Variants in TANC2 observed in about 807,000 individuals in gnomAD.
TANC2 encodes the protein protein TANC2.
In TANC2, 26 loss-of-function variants were observed where a neutral mutation model predicts 210.5. The ratio of observed to expected loss-of-function variants is 0.12; its 90% confidence interval spans 0.09 to 0.17. The LOEUF (loss-of-function observed/expected upper bound fraction) is 0.17. Ranked by LOEUF, TANC2 falls within the 10% of genes least tolerant of loss-of-function variation. The pLI, the probability that TANC2 is intolerant of heterozygous loss-of-function variation, is 1.00. For missense variants in TANC2, 2,129 were observed against 2,608.9 expected (o/e 0.82, Z 4.01); for synonymous variants, 931 against 967.1 (o/e 0.96, Z 0.69).
chr17:63,155,215 A>G (rs982089647), intron 5 of TANC2: 2 of 152,062 alleles, frequency 1.3e-5, no homozygotes, highest in East Asian at 3.8e-4. Context: ...TTTAAAAAAA[A>G]CAAAAACAAA....
At chr17:63,078,687 T>C (rs1452566704) in intron 3 of TANC2, among the ~76,000 whole-genome samples, 1 of 152,212 alleles carries the variant, frequency 6.6e-6, no homozygotes, top group African/African-American at 2.4e-5. Context: ...TCCAAACATT[T>C]GGAAGTTTTT....
chr17:63,362,175 A>C (rs922319149), intron 14 of TANC2, among the ~76,000 whole-genome samples: 33 of 152,238 alleles, frequency 2.2e-4, no homozygotes, highest in African/African-American at 7.9e-4. Flanking sequence ...TGTCCCATCG[A>C]GTGTTCAGCT....
chr17:63,228,516 T>G (rs1400955375), intron 7 of TANC2, among the ~76,000 whole-genome samples: 1 of 152,218 alleles, frequency 6.6e-6, no homozygotes, highest in East Asian at 1.9e-4. Flanking sequence ...TAAATTACTT[T>G]GGGCAGTATG....
intron 4 of TANC2, among the ~76,000 whole-genome samples, chr17:63,101,819 G>C (rs2037633687): frequency 6.6e-6 from 1 of 152,198 alleles, no homozygotes; most frequent in African/African-American, 2.4e-5. Context: ...GTCAAAGGAG[G>C]AGATAATTGA....
chr17:63,358,241 G>T (rs2146927338), intron 14 of TANC2, among the ~76,000 whole-genome samples: 1 of 152,270 alleles, frequency 6.6e-6, no homozygotes, highest in East Asian at 1.9e-4. Context: ...ACTGCTTATT[G>T]TCTCAGAATC....
intron 1 of TANC2, among the ~76,000 whole-genome samples, chr17:62,990,658 A>C (rs2032814739): frequency 6.6e-6 from 1 of 152,192 alleles, no homozygotes; most frequent in South Asian, 2.1e-4. Flanking sequence ...GAGTTTCAAA[A>C]TATAGAAGTC....
intron 4 of TANC2, among the ~76,000 whole-genome samples, chr17:63,113,569 A>T (rs921705078): frequency 1.4e-4 from 21 of 152,206 alleles, no homozygotes; most frequent in African/African-American, 5.1e-4. Flanking sequence ...GTGTGGTGGC[A>T]CAATCACTGC....
At position 63,420,992 on chromosome 17, in the gene TANC2, T is replaced by C; in HGVS notation, c.5262T>C (p.Asp1754=). The change falls in exon 28 of 28, where the codon GAT becomes GAC. Residue 1754 remains aspartate (D), a synonymous_variant. Transcript: ENST00000689528. This position sits in a 1 kb window ranked among gnomAD's most constrained non-coding sequence, Gnocchi z 4.2. ...GGTCAATTGGGGGAATCGTAGGGGA[T>C]GGAAGGCCGGTGCAGCATGTCCAAG... The C allele has an allele frequency of 6.2e-7, 1 of 1,613,978 alleles. No homozygotes were observed.
chr17:63,333,524 A>AG (rs1329300700), intron 11 of TANC2, among the ~76,000 whole-genome samples: 1 of 152,218 alleles, frequency 6.6e-6, no homozygotes, highest in Non-Finnish European at 1.5e-5. Context: ...ATGGTTTCTT[A>AG]AGATGGAATC....
chr17:63,044,249 A>G lies in TANC2; in HGVS notation c.68-29694A>G, dbSNP rs1054477071. On this transcript the variant is annotated intron_variant, in intron 2 of 27. Transcript: ENST00000689528. ...CCAGACAGATTTAGAATTTGATTTT[A>G]AAAGATTAATGTTTGAATCTCCTTT... Among the ~76,000 whole-genome samples, 6 of 152,194 alleles carry G rather than the reference A, an allele frequency of 3.9e-5. No homozygotes were observed. In the South Asian group the frequency reaches 1.2e-3, roughly 31 times the overall value.
At chr17:63,351,296 A>G in exon 13 of TANC2, 1 of 1,610,020 alleles carries the variant, frequency 6.2e-7, no homozygotes, top group African/African-American at 1.3e-5. Context: ...TTGATGGATT[A>G]AATGAAGCAG....
chr17:63,090,548 C>A (rs1336417771), intron 3 of TANC2, among the ~76,000 whole-genome samples: 1 of 152,188 alleles, frequency 6.6e-6, no homozygotes, highest in Admixed American at 6.5e-5. Flanking sequence ...CATCCTTTTT[C>A]ATGGCTGCAT....
chr17:63,045,221 C>T (rs566781495), intron 2 of TANC2, among the ~76,000 whole-genome samples: 1 of 152,288 alleles, frequency 6.6e-6, no homozygotes, highest in African/African-American at 2.4e-5. Flanking sequence ...GTAGTCGTGA[C>T]AGGGAGCATA....
intron 14 of TANC2, among the ~76,000 whole-genome samples, 170 bp from the exon 15 acceptor site, chr17:63,379,548 A>G (rs1202745120): frequency 6.6e-6 from 1 of 152,194 alleles, no homozygotes; most frequent in African/African-American, 2.4e-5. Flanking sequence ...AGGCGCCTGT[A>G]ATCCTAGCTA....
intron 7 of TANC2, among the ~76,000 whole-genome samples, chr17:63,229,634 T>G (rs2440146): frequency 1.3e-5 from 2 of 151,134 alleles, no homozygotes; most frequent in Non-Finnish European, 2.9e-5. Context: ...AACTTGTTAT[T>G]GGTCTATTCA....
intron 24 of TANC2, chr17:63,413,054 A>G (rs2048752935): frequency 3.5e-6 from 1 of 285,392 alleles, no homozygotes; most frequent in Non-Finnish European, 6.4e-6. Context: ...GGGGAGTCCT[A>G]GTTGGTACTT....
Position 63,025,805 on chromosome 17 carries a change from A to AT in TANC2, c.67+16180dup, listed in dbSNP as rs1491348689. 8.7e-4 allele frequency among the ~76,000 whole-genome samples: 104 copies of AT among 119,738 alleles called. 2 individuals are homozygous for AT. The highest frequency in any genetic ancestry group is 3.7e-3 in the African/African-American group (101 of 27,324). The allele number at this position is 119,738 out of a possible 152,430, so 78.6% of individuals were successfully genotyped here. On this transcript the variant is annotated intron_variant, in intron 2 of 27. Coordinates refer to ENST00000689528, the Ensembl canonical transcript of TANC2. ...AGTGAGACCCTATCTCAAAAATAAA[A>AT]TAAAATAAAATTAAATTAAAATAAA...
chr17:63,239,459 A>G (rs1458275899), intron 8 of TANC2, among the ~76,000 whole-genome samples: 1 of 152,164 alleles, frequency 6.6e-6, no homozygotes, highest in South Asian at 2.1e-4. Flanking sequence ...CTGATAGTGT[A>G]ATGCTTCTTG....
intron 4 of TANC2, among the ~76,000 whole-genome samples, chr17:63,140,709 C>A (rs769465494): frequency 2.0e-5 from 3 of 152,142 alleles, no homozygotes; most frequent in Non-Finnish European, 2.9e-5. Flanking sequence ...TTTAAATCAT[C>A]TTTTACATCC....
Sources: gnomAD v4.1 joint callset for allele counts (sites outside exome capture counted in the v4.1 genomes callset) on GRCh38, gnomAD v4.1.1 for gene constraint, Gnocchi (gnomAD v3.1) non-coding constraint, MANE v1.5 for transcripts, NCBI Gene and HGNC (gene_info 2026-07-23, HGNC 2026-07-21) for gene names.